OPA1: variants seen among roughly 807,000 people sequenced by gnomAD.
OPA1 encodes OPA1 mitochondrial dynamin like GTPase.
A neutral mutation model predicts 152.9 loss-of-function variants in OPA1; 59 were observed. The ratio of observed to expected loss-of-function variants is 0.39; its 90% CI spans 0.31 to 0.48. OPA1 has a LOEUF of 0.48. Among genes scored for constraint, OPA1 ranks in the 20% least tolerant of loss-of-function variants. OPA1 has a pLI of 0.96. For missense variants in OPA1, 1,008 were observed against 1,216.8 expected, an observed-to-expected ratio of 0.83 and a Z score of 2.55; for synonymous variants, 400 against 389.9, an observed-to-expected ratio of 1.03 and a Z score of -0.31.
intron 22 of OPA1, 71 bp from the exon 23 acceptor site, chr3:193,657,009 G>C (rs762466548): frequency 7.5e-7 from 1 of 1,333,712 alleles, no homozygotes; most frequent in African/African-American, 1.5e-5. Context: ...GCTTGAGCTC[G>C]TGTTATTTTT....
rs773500478 is a variant in OPA1, at chr3:193,667,171, T to C, written c.2874T>C (p.Val958=). 1.5e-5 allele frequency: 22 copies of C among 1,492,042 alleles called. No individual in the cohort carries two copies. The highest frequency in any genetic ancestry group is 8.4e-5 in the Admixed American group (5 of 59,858). 92.4% of individuals were successfully genotyped at this position (1,492,042 alleles called of 1,614,324 possible). A position where few individuals can be genotyped will look rare whatever the true frequency, so the allele number is the denominator to read the frequency against. Residue 958 remains valine (V), a splice_region_variant and synonymous_variant, in exon 29 of 31, where the codon GTT becomes GTC. Coordinates refer to ENST00000361510, the MANE Select transcript of OPA1 (RefSeq NM_130837.3). The part of the protein sequence containing the change: ...TLRQQLTNTE[V]RRLEKNVKEV... The stretch of plus-strand genomic sequence containing the variant: ...GGTTTTTTAACTTTCTTTAAACAGT[T>C]AGGCGATTAGAGAAAAATGTTAAAG...
intron 29 of OPA1, among the ~76,000 whole-genome samples, chr3:193,673,126 G>C (rs995683176): frequency 1.1e-4 from 16 of 152,164 alleles, no homozygotes; most frequent in Non-Finnish European, 7.3e-5. Flanking sequence ...GGTAGTAGAT[G>C]CTGAAGCTGA....
At chr3:193,612,393 C>G (rs543666325) in intron 1 of OPA1, among the ~76,000 whole-genome samples, 1 of 150,200 alleles carries the variant, frequency 6.7e-6, no homozygotes, top group South Asian at 2.1e-4. Context: ...TTAGATCAGT[C>G]AAAGTACAGT....
rs145563233 is a variant in OPA1 at position 193,614,814 on chromosome 3, C to A, written c.124C>A (p.His42Asn). Reference protein sequence around the residue: ...KLHLVSRSIYHSHHPTLKLQR... With the variant: ...KLHLVSRSIYNSHHPTLKLQR... Reference sequence around the variant, plus strand: ...ACATCTGGTTTCACGAAGCATTTATCATTCACATCATCCTACCTTAAAGCT... The same window carrying A: ...ACATCTGGTTTCACGAAGCATTTATAATTCACATCATCCTACCTTAAAGCT... The change falls in exon 2 of 31, where the codon CAT becomes AAT. Residue 42 changes from histidine (H) to asparagine (N), a missense_variant. This residue lies in a region of OPA1 where 408 missense variants were observed against 395.1 expected (regional missense o/e 1.03). Transcript: ENST00000361510. 6.2e-7 allele frequency: 1 copy of A among 1,606,356 alleles called. No homozygotes were observed. Among genetic ancestry groups the A allele is most frequent in the South Asian group, 1.1e-5 (1 of 91,066 alleles).
At chr3:193,595,787 T>C (rs1725385486) in intron 1 of OPA1, among the ~76,000 whole-genome samples, 1 of 152,174 alleles carries the variant, frequency 6.6e-6, no homozygotes, top group Non-Finnish European at 1.5e-5. Flanking sequence ...TTATTTTTTA[T>C]TATCTTCCTT....
At position 193,692,130 on chromosome 3, in the gene OPA1, TAA is replaced by T. The variant is rs1721770040; in HGVS notation, c.*4_*5del. The T allele has an allele frequency of 6.7e-7, 1 of 1,495,142 alleles. No individual in the cohort carries two copies. The highest frequency in any genetic ancestry group is 1.8e-5 in the Admixed American group (1 of 54,584). The allele number at this position is 1,495,142 out of a possible 1,614,324, so 92.6% of individuals were successfully genotyped here. ...AAGCTCTTCATCAGGAGAAATAAAT[TAA>T]GTGAGTAAAAATTCTCTAACTGTAT... is the stretch of plus-strand genomic sequence containing the variant. On this transcript the variant is annotated splice_region_variant and 3_prime_UTR_variant, in exon 30 of 31. Transcript: ENST00000361510.
intron 29 of OPA1, among the ~76,000 whole-genome samples, chr3:193,669,274 T>TTGCTTTCTCCTTTCC (rs1333976122): frequency 6.6e-6 from 1 of 152,246 alleles, no homozygotes; most frequent in Admixed American, 6.5e-5. Flanking sequence ...AAGTTCTGCA[T>TTGCTTTCTCCTTTCC]TGCTTTCTCC....
chr3:193,682,955 C>T (rs1046477820), intron 29 of OPA1, among the ~76,000 whole-genome samples: 7 of 151,830 alleles, frequency 4.6e-5, no homozygotes, highest in Non-Finnish European at 8.8e-5. Flanking sequence ...CCCTAGCTGC[C>T]ATAGATAGTG....
At position 193,668,264 on chromosome 3, in the gene OPA1, C is replaced by T. The variant is rs1577340203; in HGVS notation, c.2983+984C>T. Reference sequence around the variant, plus strand: ...AATATATTTTCATATTTTGGTCAGTCCTCCTATACGTAACCCAACTTGAAT... The same window carrying T: ...AATATATTTTCATATTTTGGTCAGTTCTCCTATACGTAACCCAACTTGAAT... On this transcript the variant is annotated intron_variant, in intron 29 of 30. Transcript: ENST00000361510. 7.3e-6 allele frequency: 10 copies of T among 1,378,248 alleles called. No homozygotes were observed. The East Asian group carries it at 2.5e-4, about 35-fold the overall frequency. The allele number at this position is 1,378,248 out of a possible 1,614,324, so 85.4% of individuals were successfully genotyped here.
chr3:193,670,222 G>T (rs1478307098), intron 29 of OPA1, among the ~76,000 whole-genome samples: 1 of 152,126 alleles, frequency 6.6e-6, no homozygotes, highest in Non-Finnish European at 1.5e-5. Context: ...ATAGTGTGTT[G>T]GTTGATTGGA....
chr3:193,657,265 A>G, intron 23 of OPA1, 33 bp downstream of exon 23: 1 of 1,602,238 alleles, frequency 6.2e-7, no homozygotes, highest in Non-Finnish European at 8.5e-7. Context: ...TATCAGCCTC[A>G]TATTTTTATA....
chr3:193,619,103 A>T (rs1198218492), intron 6 of OPA1, among the ~76,000 whole-genome samples, 167 bp downstream of exon 6: 3 of 152,230 alleles, frequency 2.0e-5, no homozygotes, highest in Non-Finnish European at 4.4e-5. Context: ...ATTACGTGGC[A>T]GTTCTGGAAA....
chr3:193,604,860 C>CAAAGA (rs1726990191), intron 1 of OPA1, among the ~76,000 whole-genome samples: 1 of 104,594 alleles, frequency 9.6e-6, no homozygotes, highest in African/African-American at 3.8e-5. Flanking sequence ...AACTCCATCT[C>CAAAGA]AAAAAAAAAA....
intron 29 of OPA1, among the ~76,000 whole-genome samples, chr3:193,670,075 C>T (rs2109307352): frequency 6.6e-6 from 1 of 152,244 alleles, no homozygotes; most frequent in East Asian, 1.9e-4. Flanking sequence ...CTGGAGAGTG[C>T]CTTTTCGTTA....
intron 29 of OPA1, among the ~76,000 whole-genome samples, chr3:193,675,900 G>A (rs1319228523): frequency 6.6e-6 from 1 of 152,114 alleles, no homozygotes; most frequent in Non-Finnish European, 1.5e-5. Context: ...AAAGTTGGGG[G>A]GAACTAACTC....
intron 29 of OPA1, among the ~76,000 whole-genome samples, chr3:193,674,708 T>A (rs1279619840): frequency 1.3e-5 from 2 of 152,230 alleles, no homozygotes; most frequent in African/African-American, 2.4e-5. Context: ...ACCCTGGAAC[T>A]TAATTTCTAC....
chr3:193,642,519 A>G (rs938978834), intron 11 of OPA1, among the ~76,000 whole-genome samples: 1 of 152,236 alleles, frequency 6.6e-6, no homozygotes, highest in Non-Finnish European at 1.5e-5. Flanking sequence ...CATAAGCGAT[A>G]TAAAGGAACC....
chr3:193,624,525 A>G (rs1730710779), intron 6 of OPA1, among the ~76,000 whole-genome samples: 2 of 152,178 alleles, frequency 1.3e-5, no homozygotes, highest in Non-Finnish European at 2.9e-5. Context: ...CTGCTTGATA[A>G]AGCAATAATT....
At chr3:193,670,662 A>G (rs1469350433) in intron 29 of OPA1, among the ~76,000 whole-genome samples, 1 of 152,172 alleles carries the variant, frequency 6.6e-6, no homozygotes, top group Non-Finnish European at 1.5e-5. Flanking sequence ...CACCATGCCC[A>G]GCCCTGACTG....
Sources: allele counts gnomAD v4.1 joint callset (sites outside exome capture counted in the v4.1 genomes callset), GRCh38; gene constraint gnomAD v4.1.1; regional missense constraint gnomAD v4.1.1; transcripts MANE v1.5; gene names NCBI Gene and HGNC (gene_info 2026-07-23, HGNC 2026-07-21).